The following INSL6 variants were observed in gnomAD, a reference collection of about 807,000 sequenced individuals.
The protein encoded by INSL6 is insulin-like peptide INSL6.
INSL6 carries 16 observed loss-of-function variants against 9.4 expected under a neutral mutation model. That is an observed-to-expected ratio of 1.70 (90% CI 1.15 to 2.59). The LOEUF is 2.59. Among genes scored for constraint, INSL6 ranks in the 30% most tolerant of loss-of-function variants. INSL6 has a pLI of 0.00. For synonymous variants in INSL6, 154 were observed against 96.9 expected, an observed-to-expected ratio of 1.59 and a Z score of -3.46; for missense variants, 391 against 257.3, an observed-to-expected ratio of 1.52 and a Z score of -3.56.
the INSL6 span, chr9:5,041,543 C>T: frequency 7.5e-6 from 4 of 535,200 alleles, no homozygotes; most frequent in African/African-American, 3.8e-5. Context: ...TCTGCGAGAA[C>T]TTCCCAGAGG....
chr9:5,087,430 C>T, the INSL6 span, among the ~76,000 whole-genome samples: 2 of 152,028 alleles, frequency 1.3e-5, no homozygotes, highest in African/African-American at 4.8e-5. Flanking sequence ...ATGGGGTTTA[C>T]AATTCAAGAT....
At chr9:5,028,507 C>G in the INSL6 span, among the ~76,000 whole-genome samples, 1 of 152,200 alleles carries the variant, frequency 6.6e-6, no homozygotes, top group Non-Finnish European at 1.5e-5. Flanking sequence ...ATTAGCTCCT[C>G]AGAAGAGAGT....
At chr9:5,068,927 C>T in the INSL6 span, 4 of 699,652 alleles carry the variant, frequency 5.7e-6, no homozygotes, top group Admixed American at 5.6e-5. Flanking sequence ...AATGTTTATT[C>T]TGTTGCTTGT....
rs375239170 is a variant in INSL6, at chr9:5,176,354, T to A, written c.289+8960A>T. 1.2e-3 allele frequency among the ~76,000 whole-genome samples: 181 copies of A among 152,326 alleles called. 1 individual carries two copies. The highest frequency in any genetic ancestry group is 4.2e-3 in the African/African-American group (176 of 41,578). On this transcript the variant is annotated intron_variant, in intron 1 of 1. Coordinates refer to ENST00000381641, the MANE Select transcript of INSL6 (RefSeq NM_007179.3). ...TGTTTATCTCCCTTATCCTGTTTCA[T>A]TTTTCATTTTTCTGTAGCTCTTACT...
the INSL6 span, among the ~76,000 whole-genome samples, chr9:5,038,048 A>G: frequency 6.6e-6 from 1 of 152,210 alleles, no homozygotes; most frequent in African/African-American, 2.4e-5. Context: ...AGTTACAACT[A>G]TTCATTATTC....
chr9:5,162,005 G>T (rs1824937939), downstream of INSL6, among the ~76,000 whole-genome samples: 1 of 152,020 alleles, frequency 6.6e-6, no homozygotes, highest in African/African-American at 2.4e-5. Context: ...CTTGAGCCCA[G>T]GAGGTTGAGG....
At chr9:5,038,510 C>T in the INSL6 span, among the ~76,000 whole-genome samples, 3 of 151,040 alleles carry the variant, frequency 2.0e-5, no homozygotes, top group Non-Finnish European at 4.4e-5. Context: ...AGAAAATCAA[C>T]AAAATACTTG....
chr9:5,185,436 T>C lies in INSL6; in HGVS notation c.167A>G (p.Glu56Gly). Residue 56 changes from glutamate to glycine, a missense_variant, in exon 1 of 2, where the codon GAG becomes GGG. Transcript: ENST00000381641. The part of the protein sequence containing the change: ...GHANWSQFRF[E>G]EETPFSRLIA... ...CAACCGTGAGAAAGGGGTTTCCTCC[T>C]CGAAACGGAACTGGCTCCAGTTGGC... 1 of 1,614,198 alleles carries C rather than the reference T, an allele frequency of 6.2e-7. No homozygotes were observed. The highest frequency in any genetic ancestry group is 2.2e-5 in the East Asian group (1 of 44,872).
At chr9:5,070,031 C>T in the INSL6 span, 1 of 1,605,552 alleles carries the variant, frequency 6.2e-7, no homozygotes. Context: ...TTCACAAAAT[C>T]AGAAATGAAG....
At chr9:5,091,061 C>A in the INSL6 span, 1 of 574,440 alleles carries the variant, frequency 1.7e-6, no homozygotes, top group Non-Finnish European at 3.0e-6. Context: ...TTTTTTAGGT[C>A]TTATAGTCAT....
At chr9:5,004,763 C>G in the INSL6 span, among the ~76,000 whole-genome samples, 3 of 152,154 alleles carry the variant, frequency 2.0e-5, no homozygotes, top group South Asian at 6.2e-4. Context: ...ACAAGAGTTT[C>G]TTTTTCTCCA....
intron 1 of INSL6, among the ~76,000 whole-genome samples, chr9:5,181,030 A>G (rs924406876): frequency 6.6e-6 from 1 of 152,194 alleles, no homozygotes; most frequent in Non-Finnish European, 1.5e-5. Context: ...GCCCAGCTGT[A>G]AAATTCCTTT....
At chr9:5,135,167 G>A (rs1328490073) in intron 2 of INSL6, among the ~76,000 whole-genome samples, 2 of 151,996 alleles carry the variant, frequency 1.3e-5, no homozygotes, top group African/African-American at 4.8e-5. Context: ...CAATACAGGA[G>A]CACCCAGATC....
chr9:5,148,883 T>C (rs1450476091), intron 2 of INSL6, among the ~76,000 whole-genome samples: 3 of 152,140 alleles, frequency 2.0e-5, no homozygotes, highest in Non-Finnish European at 4.4e-5. Context: ...CACTACATAC[T>C]CCTACAGGGC....
the INSL6 span, among the ~76,000 whole-genome samples, chr9:5,095,354 T>A: frequency 6.6e-6 from 1 of 151,950 alleles, no homozygotes; most frequent in Non-Finnish European, 1.5e-5. Flanking sequence ...CTTACCCCCA[T>A]CTTGATTAAA....
chr9:5,044,382 A>C, the INSL6 span: 5 of 1,492,598 alleles, frequency 3.3e-6, no homozygotes, highest in South Asian at 1.1e-5. Flanking sequence ...AAGCTGACCA[A>C]ATGTTTTTAT....
At chr9:5,098,842 C>G in the INSL6 span, 1 of 152,230 alleles carries the variant, frequency 6.6e-6, no homozygotes, top group East Asian at 1.9e-4. Flanking sequence ...TACAGGCGAC[C>G]GCCACCATGC....
chr9:5,162,655 C>T (rs904427190), downstream of INSL6, among the ~76,000 whole-genome samples: 8 of 152,184 alleles, frequency 5.3e-5, no homozygotes, highest in African/African-American at 1.9e-4. Flanking sequence ...ACATGGGTAG[C>T]TCCCTATATC....
At chr9:5,089,628 G>C in the INSL6 span, 1 of 889,524 alleles carries the variant, frequency 1.1e-6, no homozygotes, top group African/African-American at 1.8e-5. Flanking sequence ...TTTGTAATTT[G>C]CCTTGAAAAC....
Sources: allele counts gnomAD v4.1 joint callset (sites outside exome capture counted in the v4.1 genomes callset), GRCh38; gene constraint gnomAD v4.1.1; transcripts MANE v1.5; gene names NCBI Gene and HGNC (gene_info 2026-07-23, HGNC 2026-07-21).